The following CDK5RAP2 variants were observed in gnomAD, a reference collection of about 807,000 sequenced individuals.
The protein encoded by CDK5RAP2 is CDK5 regulatory subunit-associated protein 2.
Under a neutral mutation model 232.9 loss-of-function variants are expected in CDK5RAP2, and 147 were observed. The ratio of observed to expected loss-of-function variants is 0.63; its 90% confidence interval spans 0.55 to 0.72. The LOEUF (loss-of-function observed/expected upper bound fraction) is 0.72. CDK5RAP2 is among the 30% of genes least tolerant of loss of function. The pLI, the probability that CDK5RAP2 is intolerant of heterozygous loss-of-function variation, is 0.00. For missense variants in CDK5RAP2, 2,195 were observed against 2,231.5 expected, an observed-to-expected ratio of 0.98 and a Z score of 0.33; for synonymous variants, 833 against 833.7, an observed-to-expected ratio of 1.00 and a Z score of 0.01.
At chr9:120,393,673 A>G (rs968596064) in intron 36 of CDK5RAP2, among the ~76,000 whole-genome samples, 7 of 152,204 alleles carry the variant, frequency 4.6e-5, no homozygotes, top group Non-Finnish European at 1.0e-4. Context: ...AGCGGGAGGG[A>G]GTGCTGAGGG....
intron 25 of CDK5RAP2, among the ~76,000 whole-genome samples, chr9:120,427,716 C>T (rs2131411526): frequency 6.6e-6 from 1 of 152,168 alleles, no homozygotes; most frequent in South Asian, 2.1e-4. Flanking sequence ...AGAAGTCTTA[C>T]AGAAAAAAAT....
At chr9:120,562,006 C>T (rs1253403770) in intron 3 of CDK5RAP2, among the ~76,000 whole-genome samples, 2 of 152,204 alleles carry the variant, frequency 1.3e-5, no homozygotes, top group Non-Finnish European at 2.9e-5. Flanking sequence ...TTAATCTCTC[C>T]AACCTCAGCT....
chr9:120,399,488 G>T (rs551794596), intron 35 of CDK5RAP2, among the ~76,000 whole-genome samples: 47 of 152,346 alleles, frequency 3.1e-4, no homozygotes, highest in African/African-American at 9.1e-4. Context: ...AGGCTATGAT[G>T]AAACAGAAGA....
intron 22 of CDK5RAP2, among the ~76,000 whole-genome samples, chr9:120,444,626 C>A (rs914529592): frequency 6.6e-6 from 1 of 152,204 alleles, no homozygotes. Flanking sequence ...TATCTGGAAA[C>A]CTCAACTATG....
intron 3 of CDK5RAP2, among the ~76,000 whole-genome samples, chr9:120,552,699 G>C (rs555160658): frequency 1.7e-5 from 2 of 114,558 alleles, no homozygotes; most frequent in East Asian, 3.2e-4. Flanking sequence ...GTTGTGGGGT[G>C]GGGGGAGGGG....
chr9:120,439,762 T>G lies in CDK5RAP2; in HGVS notation c.3359A>C (p.Glu1120Ala), dbSNP rs781424044. 10 of 1,614,066 alleles carry G rather than the reference T, an allele frequency of 6.2e-6. No individual in the cohort carries two copies. In the Admixed American group the frequency reaches 6.7e-5, roughly 11 times the overall value. Residue 1120 changes from glutamate to alanine, a missense_variant, in exon 24 of 38, where the codon GAA (glutamate) becomes GCA (alanine). Physicochemically the swap from Glu to Ala is moderately radical, Grantham distance 107. Transcript: ENST00000349780. Reference sequence around the variant, plus strand: ...ATTCTGGTAGCCTTCCAGCTCAGTTTCCAAGTCATGGATTTTCTGTTTTAA... The same window carrying G: ...ATTCTGGTAGCCTTCCAGCTCAGTTGCCAAGTCATGGATTTTCTGTTTTAA... ...EYLKQKIHDLETELEGYQNFI... is the reference protein window; with the variant it reads ...EYLKQKIHDLATELEGYQNFI...
intron 37 of CDK5RAP2, 94 bp downstream of exon 37, chr9:120,389,647 C>A: frequency 1.7e-6 from 2 of 1,193,632 alleles, no homozygotes; most frequent in South Asian, 2.5e-5. Context: ...TCCCCTGGTT[C>A]CACCTGCACC....
At chr9:120,571,508 G>A (rs960754893) in intron 2 of CDK5RAP2, among the ~76,000 whole-genome samples, 2 of 152,194 alleles carry the variant, frequency 1.3e-5, no homozygotes, top group Non-Finnish European at 2.9e-5. Context: ...ACTCAGAGCC[G>A]TCTCCTGTGG....
chr9:120,557,468 T>C (rs2042272438), intron 3 of CDK5RAP2, among the ~76,000 whole-genome samples: 2 of 152,146 alleles, frequency 1.3e-5, no homozygotes, highest in South Asian at 4.1e-4. Context: ...CATTTAAGAA[T>C]TTCTTGGCCA....
In CDK5RAP2 at chr9:120,439,913, C is replaced by T. The variant is rs756985381; in HGVS notation, c.3208G>A (p.Glu1070Lys). Reference protein sequence around the residue: ...ASLPSCKENPEDVLSPTSVAT... With the variant: ...ASLPSCKENPKDVLSPTSVAT... Reference sequence around the variant, plus strand: ...ACTGAAGTTGGGCTCAGAACATCTTCAGGATTTTCTTTGCATGATGGCAAG... The same window carrying T: ...ACTGAAGTTGGGCTCAGAACATCTTTAGGATTTTCTTTGCATGATGGCAAG... The change falls in exon 24 of 38, where the codon GAA (glutamate) becomes AAA (lysine). Residue 1070 changes from glutamate to lysine, a missense_variant. Transcript: ENST00000349780. 1.9e-6 allele frequency: 3 copies of T among 1,614,074 alleles called. No individual in the cohort carries two copies. The African/African-American group carries it at 4.0e-5, about 22-fold the overall frequency.
At position 120,537,708 on chromosome 9, in the gene CDK5RAP2, A is replaced by G. The variant is rs532922461; in HGVS notation, c.508-1182T>C. Among the ~76,000 whole-genome samples the G allele has an allele frequency of 2.2e-4, 33 of 152,080 alleles. 1 individual carries two copies. Among genetic ancestry groups the G allele is most frequent in the African/African-American group, 7.2e-4 (30 of 41,520 alleles). ...CATCTGTTTAAAAAAAAAAAAAAAG[A>G]AAGAATGAAAAAGGATGACAGAAGT... On this transcript the variant is annotated intron_variant, in intron 6 of 37. Transcript: ENST00000349780.
At chr9:120,460,331 A>G (rs1010982382) in intron 19 of CDK5RAP2, among the ~76,000 whole-genome samples, 11 of 152,374 alleles carry the variant, frequency 7.2e-5, no homozygotes, top group African/African-American at 2.4e-4. Context: ...CTATTCTACT[A>G]TAACAAGCCC....
intron 35 of CDK5RAP2, among the ~76,000 whole-genome samples, chr9:120,395,182 G>A (rs1051360537): frequency 6.6e-6 from 1 of 152,168 alleles, no homozygotes; most frequent in Non-Finnish European, 1.5e-5. Context: ...AGAACAACAC[G>A]TCCTGTATAA....
rs77310637 is a variant in CDK5RAP2, at chr9:120,560,452, G to A, written c.195+7869C>T. On this transcript the variant is annotated intron_variant, in intron 3 of 37. Transcript: ENST00000349780. ...GTGTTCTCCACTCACTATTGACCAG[G>A]AATGGTCTGTGCTGATCCTGGCTGT... 3.0e-3 allele frequency among the ~76,000 whole-genome samples: 458 copies of A among 152,300 alleles called. 2 individuals are homozygous for A. Among genetic ancestry groups the A allele is most frequent in the Middle Eastern group, 0.01 (3 of 294 alleles).
intron 27 of CDK5RAP2, among the ~76,000 whole-genome samples, chr9:120,418,061 A>T (rs2034342596): frequency 6.6e-6 from 1 of 152,228 alleles, no homozygotes; most frequent in Non-Finnish European, 1.5e-5. Flanking sequence ...ACGTTAAGTG[A>T]GAAAAATACT....
rs1288224202 is a variant in CDK5RAP2 at position 120,544,419 on chromosome 9, T to G, written c.383+1295A>C. Among the ~76,000 whole-genome samples, 5 of 152,242 alleles carry G rather than the reference T, an allele frequency of 3.3e-5. No individual in the cohort carries two copies. The South Asian group carries it at 1.0e-3, about 32-fold the overall frequency. On this transcript the variant is annotated intron_variant, in intron 5 of 37. Coordinates refer to ENST00000349780, the MANE Select transcript of CDK5RAP2 (RefSeq NM_018249.6). ...CAACTTGTTAATCTGGTGATATTTA[T>G]TACTTCATTCACTCATTCATTCAGA...
chr9:120,474,719 AAT>A (rs1349221680), intron 15 of CDK5RAP2, among the ~76,000 whole-genome samples: 1 of 152,240 alleles, frequency 6.6e-6, no homozygotes, highest in Non-Finnish European at 1.5e-5. Context: ...TGCTGTGAAG[AAT>A]AAATAGTAAA....
chr9:120,446,016 C>T (rs2036167588), intron 22 of CDK5RAP2, among the ~76,000 whole-genome samples: 1 of 152,144 alleles, frequency 6.6e-6, no homozygotes, highest in South Asian at 2.1e-4. Flanking sequence ...TCCAAAGGTT[C>T]ATATCCAAAG....
chr9:120,392,957 G>A (rs1285438471), intron 36 of CDK5RAP2, among the ~76,000 whole-genome samples: 4 of 152,186 alleles, frequency 2.6e-5, no homozygotes, highest in Non-Finnish European at 4.4e-5. Flanking sequence ...GCTCGTCCTG[G>A]AGTCCTGTCC....
Sources: gnomAD v4.1 joint callset for allele counts (sites outside exome capture counted in the v4.1 genomes callset) on GRCh38, gnomAD v4.1.1 for gene constraint, MANE v1.5 for transcripts, NCBI Gene and HGNC (gene_info 2026-07-23, HGNC 2026-07-21) for gene names.